CHST11: variants seen among roughly 807,000 people sequenced by gnomAD.
CHST11 encodes the protein carbohydrate sulfotransferase 11, also known as C4S-1.
Under a neutral mutation model 30.4 loss-of-function variants are expected in CHST11, and 9 were observed. The observed-to-expected ratio is 0.30, with a 90% CI of 0.18 to 0.52. The LOEUF is 0.52. CHST11 is among the 20% of genes least tolerant of loss of function. The probability of loss-of-function intolerance (pLI) is 0.97; values close to 1 mark genes in which losing one functional copy is unlikely to be tolerated. For missense variants in CHST11, 348 were observed against 460.6 expected, an observed-to-expected ratio of 0.76 and a Z score of 2.24; for synonymous variants, 152 against 187.8, an observed-to-expected ratio of 0.81 and a Z score of 1.56.
chr12:104,465,408 G>A (rs373543180), intron 1 of CHST11, among the ~76,000 whole-genome samples: 9 of 152,316 alleles, frequency 5.9e-5, no homozygotes, highest in Non-Finnish European at 1.2e-4. Context: ...GAACCTGGAA[G>A]TTCATCTAGA....
At chr12:104,573,092 A>G (rs911202613) in intron 1 of CHST11, among the ~76,000 whole-genome samples, 1 of 152,266 alleles carries the variant, frequency 6.6e-6, no homozygotes, top group African/African-American at 2.4e-5. Context: ...CCAAATCATG[A>G]GTGAACTCCC....
At chr12:104,641,868 C>T (rs997776265) in intron 2 of CHST11, among the ~76,000 whole-genome samples, 1 of 152,174 alleles carries the variant, frequency 6.6e-6, no homozygotes, top group Non-Finnish European at 1.5e-5. Flanking sequence ...TGATCTGGCA[C>T]TTCTAGGAGT....
chr12:104,638,581 G>C (rs1459889257), intron 2 of CHST11, among the ~76,000 whole-genome samples: 1 of 152,100 alleles, frequency 6.6e-6, no homozygotes, highest in African/African-American at 2.4e-5. Flanking sequence ...GGCAGGATAG[G>C]GTATTGTGAG....
chr12:104,556,980 CAAAA>C (rs529711471), intron 1 of CHST11, among the ~76,000 whole-genome samples: 2 of 77,182 alleles, frequency 2.6e-5, no homozygotes, highest in African/African-American at 9.9e-5. Context: ...GACTCTGTCT[CAAAA>C]AAAAAAAAAA....
intron 2 of CHST11, among the ~76,000 whole-genome samples, chr12:104,619,719 G>C (rs769525447): frequency 7.9e-5 from 12 of 152,172 alleles, no homozygotes; most frequent in Admixed American, 4.6e-4. Flanking sequence ...TGTTTACACC[G>C]ATCCATAGAC....
chr12:104,731,619 C>T (rs312163), intron 2 of CHST11, among the ~76,000 whole-genome samples: 72,713 of 152,110 alleles, frequency 0.48, 17,541 homozygotes, highest in East Asian at 0.63. Flanking sequence ...CCCTGAGACT[C>T]GGGACCACGG....
At chr12:104,523,137 G>A (rs2038089789) in intron 1 of CHST11, among the ~76,000 whole-genome samples, 1 of 152,238 alleles carries the variant, frequency 6.6e-6, no homozygotes, top group Non-Finnish European at 1.5e-5. Context: ...GCCACCATAG[G>A]GTTTGCCTTC....
At chr12:104,741,571 A>T (rs1190400101) in intron 2 of CHST11, among the ~76,000 whole-genome samples, 1 of 152,218 alleles carries the variant, frequency 6.6e-6, no homozygotes, top group Non-Finnish European at 1.5e-5. Context: ...ATTAATAGCT[A>T]ATCTTGATAT....
chr12:104,726,726 T>C (rs2040220102), intron 2 of CHST11, among the ~76,000 whole-genome samples: 1 of 152,190 alleles, frequency 6.6e-6, no homozygotes, highest in Admixed American at 6.5e-5. Flanking sequence ...GCTGTAGGGC[T>C]GAGACATTAG....
chr12:104,459,629 G>T (rs2037388460), intron 1 of CHST11, among the ~76,000 whole-genome samples: 1 of 152,238 alleles, frequency 6.6e-6, no homozygotes, highest in African/African-American at 2.4e-5. Context: ...GTCACTTTGT[G>T]AAAATTTCCA....
intron 2 of CHST11, among the ~76,000 whole-genome samples, chr12:104,603,790 A>C (rs191755018): frequency 2.0e-5 from 3 of 152,288 alleles, no homozygotes; most frequent in Non-Finnish European, 4.4e-5. Context: ...CTATGTGACT[A>C]TGGGGTGTTT....
At chr12:104,555,894 G>A (rs564752180) in intron 1 of CHST11, among the ~76,000 whole-genome samples, 9 of 152,342 alleles carry the variant, frequency 5.9e-5, no homozygotes, top group South Asian at 4.1e-4. Flanking sequence ...GCTGCTCTCC[G>A]GGCAGGGAGT....
intron 2 of CHST11, among the ~76,000 whole-genome samples, chr12:104,696,263 A>G (rs2136110459): frequency 6.6e-6 from 1 of 152,158 alleles, no homozygotes; most frequent in South Asian, 2.1e-4. Flanking sequence ...AACACTTTTT[A>G]CTCACCATCC....
At chr12:104,592,571 T>C (rs899526930) in intron 1 of CHST11, among the ~76,000 whole-genome samples, 2 of 152,220 alleles carry the variant, frequency 1.3e-5, no homozygotes, top group African/African-American at 4.8e-5. Context: ...TGGGGGTTAA[T>C]ATTTTAACAT....
At chr12:104,648,817 A>G (rs1432019403) in intron 2 of CHST11, among the ~76,000 whole-genome samples, 1 of 152,124 alleles carries the variant, frequency 6.6e-6, no homozygotes, top group African/African-American at 2.4e-5. Flanking sequence ...CTCAAAAAAA[A>G]TAGAAAAGAA....
In CHST11 at chr12:104,512,764, CA is replaced by C. The variant is rs1189924308; in HGVS notation, c.118+55236del. Among the ~76,000 whole-genome samples the C allele has an allele frequency of 2.0e-5, 3 of 152,098 alleles. No homozygotes were observed. In the East Asian group the frequency reaches 5.8e-4, roughly 29 times the overall value. On this transcript the variant is annotated intron_variant, in intron 1 of 2. Coordinates refer to ENST00000303694, the MANE Select transcript of CHST11 (RefSeq NM_018413.6). ...AGTGAAGAGGTGGGAGAGGGGAAAGCATTTTGGAGATAGAGTAAACCAAATA... is the reference window on the plus strand; with the variant it reads ...AGTGAAGAGGTGGGAGAGGGGAAAGCTTTTGGAGATAGAGTAAACCAAATA...
intron 1 of CHST11, among the ~76,000 whole-genome samples, chr12:104,501,423 A>AC (rs2037853019): frequency 6.6e-6 from 1 of 152,224 alleles, no homozygotes; most frequent in East Asian, 1.9e-4. Flanking sequence ...GGAGGCACCA[A>AC]ACCTGAAGGT....
intron 1 of CHST11, among the ~76,000 whole-genome samples, chr12:104,531,550 A>C (rs1453608399): frequency 6.6e-6 from 1 of 151,486 alleles, no homozygotes; most frequent in Non-Finnish European, 1.5e-5. Context: ...AGAAAGATTG[A>C]AGTCATTGTT....
chr12:104,727,643 T>C (rs1401332090), intron 2 of CHST11, among the ~76,000 whole-genome samples: 1 of 152,174 alleles, frequency 6.6e-6, no homozygotes, highest in Non-Finnish European at 1.5e-5. Flanking sequence ...ATCAACTGAT[T>C]TTATAATCGA....
Sources: allele counts gnomAD v4.1 joint callset (sites outside exome capture counted in the v4.1 genomes callset), GRCh38; gene constraint gnomAD v4.1.1; transcripts MANE v1.5; gene names NCBI Gene and HGNC (gene_info 2026-07-23, HGNC 2026-07-21).